The following RTN1 variants were observed in gnomAD, a reference collection of about 807,000 sequenced individuals.
The protein encoded by RTN1 is reticulon-1.
RTN1 carries 25 observed loss-of-function variants against 65.5 expected under a neutral mutation model. The ratio of observed to expected loss-of-function variants is 0.38; its 90% CI spans 0.28 to 0.53. The LOEUF is 0.53. RTN1 is among the 20% of genes least tolerant of loss of function. RTN1 has a pLI of 0.79. For synonymous variants in RTN1, 471 were observed against 447.6 expected (o/e 1.05, Z -0.66); for missense variants, 983 against 1,025.4 (o/e 0.96, Z 0.57).
chr14:59,838,098 T>C (rs1887245922), intron 1 of RTN1, among the ~76,000 whole-genome samples: 1 of 152,182 alleles, frequency 6.6e-6, no homozygotes, highest in African/African-American at 2.4e-5. Context: ...TTTGCCCCTA[T>C]CCCTCTCTCT....
At chr14:59,642,535 G>A (rs1423745062) in intron 3 of RTN1, among the ~76,000 whole-genome samples, 3 of 151,604 alleles carry the variant, frequency 2.0e-5, no homozygotes, top group Non-Finnish European at 4.4e-5. Flanking sequence ...CTGCCACTTC[G>A]GATATTTGAT....
At chr14:59,700,695 A>G (rs1310102612) in intron 3 of RTN1, among the ~76,000 whole-genome samples, 1 of 152,144 alleles carries the variant, frequency 6.6e-6, no homozygotes, top group African/African-American at 2.4e-5. Flanking sequence ...TCTATCTCAT[A>G]CCACATACAA....
chr14:59,761,324 GT>G (rs1391125589), intron 1 of RTN1, among the ~76,000 whole-genome samples: 6 of 152,274 alleles, frequency 3.9e-5, no homozygotes, highest in East Asian at 1.9e-4. Context: ...CATGGGGGCG[GT>G]TTCCCCCGTA....
chr14:59,608,083 G>A (rs542750968), intron 3 of RTN1, among the ~76,000 whole-genome samples: 5 of 152,088 alleles, frequency 3.3e-5, no homozygotes, highest in African/African-American at 1.2e-4. Context: ...AAAATTACAT[G>A]CAAAAGAGTA....
At chr14:59,611,103 C>T (rs1435700695) in intron 3 of RTN1, among the ~76,000 whole-genome samples, 1 of 152,336 alleles carries the variant, frequency 6.6e-6, no homozygotes, top group African/African-American at 2.4e-5. Context: ...CCCACACAGC[C>T]GGCTCTGTGT....
At chr14:59,687,766 CA>C (rs1407449037) in intron 3 of RTN1, among the ~76,000 whole-genome samples, 5 of 151,796 alleles carry the variant, frequency 3.3e-5, no homozygotes, top group African/African-American at 9.7e-5. Flanking sequence ...GATCCTGGTA[CA>C]GGGGGGTCCT....
chr14:59,653,832 T>G (rs543234609), intron 3 of RTN1, among the ~76,000 whole-genome samples: 1 of 152,218 alleles, frequency 6.6e-6, no homozygotes, highest in East Asian at 1.9e-4. Flanking sequence ...TATCCCTCAT[T>G]CAACAATGGA....
chr14:59,802,689 G>A (rs1453694564), intron 1 of RTN1, among the ~76,000 whole-genome samples: 1 of 152,194 alleles, frequency 6.6e-6, no homozygotes, highest in Non-Finnish European at 1.5e-5. Context: ...AGCAAAGGAA[G>A]CTTCTCAGAT....
chr14:59,802,293 TG>T (rs1886561135), intron 1 of RTN1, among the ~76,000 whole-genome samples: 1 of 152,228 alleles, frequency 6.6e-6, no homozygotes, highest in South Asian at 2.1e-4. Flanking sequence ...CAGCATCAGC[TG>T]GGAGCTTGCC....
Position 59,870,325 on chromosome 14 carries a change from GA to G in RTN1, c.241+64del. 1.4e-6 allele frequency: 2 copies of G among 1,387,112 alleles called. No individual in the cohort carries two copies. Among genetic ancestry groups the G allele is most frequent in the East Asian group, 2.8e-5 (1 of 35,302 alleles). 85.9% of individuals were successfully genotyped at this position (1,387,112 alleles called of 1,614,324 possible). On this transcript the variant is annotated intron_variant, in intron 1 of 8. Coordinates refer to ENST00000267484, the MANE Select transcript of RTN1 (RefSeq NM_021136.3). The surrounding 1 kb of genome is among the most constrained non-coding windows in gnomAD (Gnocchi z 5.1). ...GGCAGGTGCCCAGGAGAGCCGCGCA[GA>G]AGGGGACTGACTGGGGGGCCCTGGT...
chr14:59,789,186 A>G (rs911720789), intron 1 of RTN1, among the ~76,000 whole-genome samples: 8 of 151,762 alleles, frequency 5.3e-5, no homozygotes, highest in Non-Finnish European at 8.8e-5. Flanking sequence ...TGATTCTCTC[A>G]AGTTTTCTTG....
chr14:59,838,220 CATTA>C (rs1255979997), intron 1 of RTN1, among the ~76,000 whole-genome samples: 1 of 152,134 alleles, frequency 6.6e-6, no homozygotes, highest in Non-Finnish European at 1.5e-5. Flanking sequence ...TCTGTTCCTG[CATTA>C]ATTCTCAGGT....
chr14:59,654,243 T>G (rs904861031), intron 3 of RTN1, among the ~76,000 whole-genome samples: 7 of 151,992 alleles, frequency 4.6e-5, no homozygotes, highest in African/African-American at 1.7e-4. Flanking sequence ...CTGGCCAATG[T>G]GGCGAAACCC....
chr14:59,865,680 T>C (rs114019115), intron 1 of RTN1, among the ~76,000 whole-genome samples: 1,864 of 152,298 alleles, frequency 0.012, 36 homozygotes, highest in African/African-American at 0.042. Context: ...TTTTGGACCA[T>C]GTTCTTTACA....
intron 1 of RTN1, among the ~76,000 whole-genome samples, chr14:59,783,147 C>A (rs1318935586): frequency 6.6e-6 from 1 of 152,184 alleles, no homozygotes; most frequent in African/African-American, 2.4e-5. Flanking sequence ...AGTTTCTAAT[C>A]AAATCTATAT....
In RTN1 at chr14:59,727,802, T is replaced by A. The variant is rs974952889; in HGVS notation, c.1016-134A>T. ...GTTGCTTGAGAAACACATATCTCAT[T>A]AGCACAAAAATAATCTGTTTCCAGG... On this transcript the variant is annotated intron_variant, in intron 2 of 8. Coordinates refer to ENST00000267484, the MANE Select transcript of RTN1 (RefSeq NM_021136.3). This position sits in a 1 kb window ranked among gnomAD's most constrained non-coding sequence, Gnocchi z 4.2. 5 of 1,244,774 alleles carry A rather than the reference T, an allele frequency of 4.0e-6. No individual in the cohort carries two copies. The highest frequency in any genetic ancestry group is 1.5e-5 in the African/African-American group (1 of 65,440). 77.1% of individuals were successfully genotyped at this position (1,244,774 alleles called of 1,614,324 possible).
chr14:59,783,487 A>T (rs1487604820), intron 1 of RTN1, among the ~76,000 whole-genome samples: 1 of 152,180 alleles, frequency 6.6e-6, no homozygotes, highest in Non-Finnish European at 1.5e-5. Flanking sequence ...AGACAGAAAG[A>T]GTAGGTGAGG....
chr14:59,799,240 C>T (rs1220882354), intron 1 of RTN1, among the ~76,000 whole-genome samples: 1 of 152,132 alleles, frequency 6.6e-6, no homozygotes, highest in Admixed American at 6.5e-5. Flanking sequence ...AAACAAAATA[C>T]CTTATAGAAT....
At chr14:59,658,256 G>A (rs556027173) in intron 3 of RTN1, among the ~76,000 whole-genome samples, 1 of 152,340 alleles carries the variant, frequency 6.6e-6, no homozygotes, top group African/African-American at 2.4e-5. Context: ...CCAGTCAGGG[G>A]CTTATAGATA....
Sources: allele counts gnomAD v4.1 joint callset (sites outside exome capture counted in the v4.1 genomes callset), GRCh38; gene constraint gnomAD v4.1.1; non-coding constraint Gnocchi (gnomAD v3.1); transcripts MANE v1.5; gene names NCBI Gene and HGNC (gene_info 2026-07-23, HGNC 2026-07-21).